Variants in DCC observed in about 807,000 individuals in gnomAD.
The protein encoded by DCC is netrin receptor DCC.
Under a neutral mutation model 172.5 loss-of-function variants are expected in DCC, and 58 were observed. That is an observed-to-expected ratio of 0.34 (90% CI 0.27 to 0.42). DCC has a LOEUF of 0.42. DCC is among the 10% of genes least tolerant of loss of function. DCC has a pLI of 1.00. For synonymous variants in DCC, 709 were observed against 644.5 expected (o/e 1.10, Z -1.52); for missense variants, 1,740 against 1,791.0 (o/e 0.97, Z 0.51).
Position 53,060,872 on chromosome 18 carries a change from G to A in DCC, c.986-2433G>A, listed in dbSNP as rs74907754. The stretch of plus-strand genomic sequence containing the variant: ...GTTTTTTGAGAAATTCTGTTATGTA[G>A]AGCACACTATTTTTGACATTGAGAA... On this transcript the variant is annotated intron_variant, in intron 5 of 28. Coordinates refer to ENST00000442544, the MANE Select transcript of DCC (RefSeq NM_005215.4). 2.7e-3 allele frequency among the ~76,000 whole-genome samples: 408 copies of A among 152,008 alleles called. 1 individual carries two copies. Among genetic ancestry groups the A allele is most frequent in the Non-Finnish European group, 3.7e-3 (253 of 67,958 alleles).
At chr18:53,010,159 T>G (rs1448574220) in intron 5 of DCC, among the ~76,000 whole-genome samples, 1 of 151,968 alleles carries the variant, frequency 6.6e-6, no homozygotes, top group African/African-American at 2.4e-5. Flanking sequence ...ATGATCTGTT[T>G]GTGTAAATCT....
At chr18:53,358,129 G>A (rs888902350) in intron 15 of DCC, among the ~76,000 whole-genome samples, 2 of 151,920 alleles carry the variant, frequency 1.3e-5, no homozygotes, top group Non-Finnish European at 2.9e-5. Context: ...AGTAGAATAT[G>A]GAATCTAATG....
chr18:53,034,970 C>T (rs1268424957), intron 5 of DCC, among the ~76,000 whole-genome samples: 2 of 152,102 alleles, frequency 1.3e-5, no homozygotes, highest in African/African-American at 4.8e-5. Context: ...CTTTCCTACA[C>T]AATTCTTCAC....
At chr18:53,437,585 A>C (rs982672207) in intron 22 of DCC, among the ~76,000 whole-genome samples, 1 of 136,008 alleles carries the variant, frequency 7.4e-6, no homozygotes, top group African/African-American at 3.1e-5. Flanking sequence ...TCCATCTCAA[A>C]AAAAAAAAAA....
At chr18:52,854,125 C>G (rs545477341) in intron 2 of DCC, among the ~76,000 whole-genome samples, 1 of 152,310 alleles carries the variant, frequency 6.6e-6, no homozygotes, top group South Asian at 2.1e-4. Context: ...GCTATTTTAT[C>G]TGCTTGATGT....
chr18:53,309,828 A>G (rs1279360595), intron 13 of DCC, among the ~76,000 whole-genome samples: 1 of 151,774 alleles, frequency 6.6e-6, no homozygotes, highest in Non-Finnish European at 1.5e-5. Flanking sequence ...TCTTGATTTC[A>G]TGAGTTATAA....
At chr18:53,337,019 A>G (rs557419256) in intron 14 of DCC, among the ~76,000 whole-genome samples, 42 of 152,362 alleles carry the variant, frequency 2.8e-4, no homozygotes, top group Non-Finnish European at 1.5e-5. Flanking sequence ...TGAAGGATAA[A>G]GTGGAGTCTT....
At chr18:52,661,033 G>T (rs2035348301) in intron 1 of DCC, among the ~76,000 whole-genome samples, 1 of 152,104 alleles carries the variant, frequency 6.6e-6, no homozygotes, top group Non-Finnish European at 1.5e-5. Context: ...TAACCCCCAA[G>T]GACAGCAAGA....
intron 5 of DCC, among the ~76,000 whole-genome samples, chr18:52,927,917 A>G (rs1391383088): frequency 6.6e-6 from 1 of 152,106 alleles, no homozygotes; most frequent in Non-Finnish European, 1.5e-5. Context: ...GTTATTAGGT[A>G]TATACTCAAC....
chr18:52,775,927 C>T (rs2037423657), intron 2 of DCC, among the ~76,000 whole-genome samples: 1 of 152,190 alleles, frequency 6.6e-6, no homozygotes, highest in African/African-American at 2.4e-5. Flanking sequence ...TCCCTGCCCC[C>T]TTCATTTAAA....
Position 52,355,591 on chromosome 18 carries a change from G to A in DCC, c.91+14713G>A, listed in dbSNP as rs920539891. 3.9e-5 allele frequency among the ~76,000 whole-genome samples: 6 copies of A among 152,218 alleles called. No homozygotes were observed. In the East Asian group the frequency reaches 1.2e-3, roughly 29 times the overall value. On this transcript the variant is annotated intron_variant, in intron 1 of 28. Coordinates refer to ENST00000442544, the MANE Select transcript of DCC (RefSeq NM_005215.4). ...TGTTTCTATTTTTATTTGTTCATTC[G>A]ACAGATGTTTTTAAAGGTAATGTTT...
rs1173423788 is a variant in DCC, at chr18:53,534,645, G to C, written c.*3992G>C. ...TGGATACTTGGGAAAATCATAGATAGGTGTTTTGTATGATATTCCATTCCA... is the reference window on the plus strand; with the variant it reads ...TGGATACTTGGGAAAATCATAGATACGTGTTTTGTATGATATTCCATTCCA... On this transcript the variant is annotated 3_prime_UTR_variant, in exon 29 of 29. Transcript: ENST00000442544. 1 of 152,132 alleles carries C rather than the reference G, an allele frequency of 6.6e-6. No homozygotes were observed. Among genetic ancestry groups the C allele is most frequent in the East Asian group, 1.9e-4 (1 of 5,192 alleles). The allele number at this position is 152,132 out of a possible 1,614,324, so 9.4% of individuals were successfully genotyped here. A position where few individuals can be genotyped will look rare whatever the true frequency, so the allele number is the denominator to read the frequency against.
At chr18:53,226,948 A>ATATATATATATTTTTTTTTTTTTT in intron 12 of DCC, among the ~76,000 whole-genome samples, 6 of 52,952 alleles carry the variant, frequency 1.1e-4, no homozygotes, top group African/African-American at 1.9e-4. Context: ...ATATATATAT[A>ATATATATATATTTTTTTTTTTTTT]TTTTTTTTTT....
chr18:52,789,427 A>G (rs1350242515), intron 2 of DCC, among the ~76,000 whole-genome samples: 1 of 152,188 alleles, frequency 6.6e-6, no homozygotes, highest in Non-Finnish European at 1.5e-5. Flanking sequence ...TAGGAAAGCA[A>G]GATTCAAGAA....
rs73463005 is a variant in DCC, at chr18:53,229,458, C to T, written c.1911+13861C>T. ...TCAAATATGTTACATGTAACAGTTC[C>T]TCATTCTTTTACTACATTTTACTAT... On this transcript the variant is annotated intron_variant, in intron 12 of 28. Coordinates refer to ENST00000442544, the MANE Select transcript of DCC (RefSeq NM_005215.4). 1.8e-3 allele frequency among the ~76,000 whole-genome samples: 273 copies of T among 152,200 alleles called. 2 individuals carry two copies. The highest frequency in any genetic ancestry group is 6.4e-3 in the African/African-American group (268 of 41,558).
intron 9 of DCC, among the ~76,000 whole-genome samples, chr18:53,192,046 T>C (rs1019160404): frequency 2.0e-5 from 3 of 152,222 alleles, no homozygotes; most frequent in African/African-American, 7.2e-5. Flanking sequence ...TCTTATCTTT[T>C]GAATACTGAA....
At chr18:52,912,686 C>A (rs1190273833) in intron 3 of DCC, among the ~76,000 whole-genome samples, 1 of 151,956 alleles carries the variant, frequency 6.6e-6, no homozygotes, top group African/African-American at 2.4e-5. Context: ...AGTGTTTGAT[C>A]TTCATTACCC....
intron 1 of DCC, among the ~76,000 whole-genome samples, chr18:52,447,894 C>G (rs1988173631): frequency 6.6e-6 from 1 of 152,192 alleles, no homozygotes; most frequent in Non-Finnish European, 1.5e-5. Context: ...CCCCAAGATC[C>G]AGTCACCTCC....
intron 20 of DCC, among the ~76,000 whole-genome samples, chr18:53,411,555 A>G (rs1459495206): frequency 6.6e-6 from 1 of 152,142 alleles, no homozygotes; most frequent in South Asian, 2.1e-4. Context: ...TCTGTTTGAC[A>G]TACTAAAAGA....
Sources: gnomAD v4.1 joint callset for allele counts (sites outside exome capture counted in the v4.1 genomes callset) on GRCh38, gnomAD v4.1.1 for gene constraint, MANE v1.5 for transcripts, NCBI Gene and HGNC (gene_info 2026-07-23, HGNC 2026-07-21) for gene names.